Variants in IL1RAPL1 observed in about 807,000 individuals in gnomAD.
IL1RAPL1 encodes the protein interleukin 1 receptor accessory protein like 1.
A neutral mutation model predicts 48.4 loss-of-function variants in IL1RAPL1; 3 were observed. That is an observed-to-expected ratio of 0.06 (90% CI 0.03 to 0.16). The LOEUF is 0.16. Among genes scored for constraint, IL1RAPL1 ranks in the 10% least tolerant of loss-of-function variants. The pLI is 1.00. For missense variants in IL1RAPL1, 349 were observed against 530.6 expected (o/e 0.66, Z 3.36); for synonymous variants, 185 against 187.7 (o/e 0.99, Z 0.12).
intron 2 of IL1RAPL1, among the ~76,000 whole-genome samples, chrX:28,974,030 G>A (rs1303870800): frequency 8.9e-6 from 1 of 111,856 alleles, no homozygotes; most frequent in African/African-American, 3.3e-5. Flanking sequence ...CTATTAGTGA[G>A]TTTAATCATA....
chrX:28,838,307 G>A (rs1039385769), intron 2 of IL1RAPL1, among the ~76,000 whole-genome samples: 12 of 110,949 alleles, frequency 1.1e-4, no homozygotes, highest in Non-Finnish European at 2.1e-4. Context: ...CTAAAAATTA[G>A]GTCTTGTAAT....
intron 2 of IL1RAPL1, among the ~76,000 whole-genome samples, chrX:29,189,353 A>C (rs781614826): frequency 9.0e-6 from 1 of 111,655 alleles, no homozygotes; most frequent in African/African-American, 3.2e-5. Context: ...TATGTTGCAA[A>C]TCTCTTGTGA....
chrX:29,921,794 C>A (rs1347856179), intron 8 of IL1RAPL1, among the ~76,000 whole-genome samples: 3 of 111,891 alleles, frequency 2.7e-5, no homozygotes, highest in Non-Finnish European at 5.6e-5. Flanking sequence ...GGCCCTAGTT[C>A]TGTACTTTTA....
chrX:29,103,211 G>C (rs778006092), intron 2 of IL1RAPL1, among the ~76,000 whole-genome samples: 1 of 111,560 alleles, frequency 9.0e-6, no homozygotes, highest in Non-Finnish European at 1.9e-5. Context: ...GCACATTACC[G>C]AGCCCACGTT....
At chrX:29,767,729 T>C (rs139601553) in intron 6 of IL1RAPL1, among the ~76,000 whole-genome samples, 2,713 of 112,083 alleles carry the variant, frequency 0.024, 87 homozygotes, top group African/African-American at 0.084. Flanking sequence ...AATAAGCTAA[T>C]GATGGCTCAT....
chrX:29,892,217 G>A (rs748828666), intron 6 of IL1RAPL1, among the ~76,000 whole-genome samples: 2 of 111,929 alleles, frequency 1.8e-5, no homozygotes, highest in Admixed American at 1.9e-4. Context: ...TATGATAAGA[G>A]GTTCCTAAAG....
chrX:29,589,154 A>G (rs1029502144), intron 5 of IL1RAPL1, among the ~76,000 whole-genome samples: 4 of 111,424 alleles, frequency 3.6e-5, no homozygotes, highest in African/African-American at 1.3e-4. Flanking sequence ...TAGTAAACTG[A>G]CTCTCTCTTA....
intron 5 of IL1RAPL1, among the ~76,000 whole-genome samples, chrX:29,664,156 G>A (rs1429993362): frequency 1.8e-5 from 2 of 112,184 alleles, no homozygotes; most frequent in Non-Finnish European, 3.8e-5. Flanking sequence ...TGTAATCCCA[G>A]CACTTTGGGA....
At chrX:29,315,097 C>T (rs73460490) in intron 3 of IL1RAPL1, among the ~76,000 whole-genome samples, 3,941 of 111,130 alleles carry the variant, frequency 0.035, 187 homozygotes, top group African/African-American at 0.12. Context: ...GCCAAGGGTC[C>T]GATCATTCCA....
chrX:29,386,289 A>T (rs1476436984), intron 3 of IL1RAPL1, among the ~76,000 whole-genome samples: 2 of 111,237 alleles, frequency 1.8e-5, no homozygotes, highest in Admixed American at 9.6e-5. Context: ...TGGCCTCCCA[A>T]AGTGCTGGGA....
At chrX:29,924,542 C>G (rs1460259193) in intron 8 of IL1RAPL1, among the ~76,000 whole-genome samples, 1 of 112,045 alleles carries the variant, frequency 8.9e-6, no homozygotes, top group East Asian at 2.8e-4. Flanking sequence ...GGAATGCCAT[C>G]CACTACTTTT....
intron 2 of IL1RAPL1, among the ~76,000 whole-genome samples, chrX:29,154,025 C>T (rs150206789): frequency 1.7e-3 from 192 of 111,895 alleles, no homozygotes; most frequent in African/African-American, 5.8e-3. Flanking sequence ...CAGAAAGAGC[C>T]GTTGTTAGGC....
At chrX:29,613,578 G>T (rs1244474582) in intron 5 of IL1RAPL1, among the ~76,000 whole-genome samples, 2 of 110,757 alleles carry the variant, frequency 1.8e-5, no homozygotes, top group Non-Finnish European at 3.8e-5. Context: ...GCAATGAAAG[G>T]TTATAAATTC....
intron 2 of IL1RAPL1, among the ~76,000 whole-genome samples, chrX:29,150,938 A>G (rs1929454449): frequency 9.3e-6 from 1 of 106,986 alleles, no homozygotes; most frequent in Admixed American, 1.0e-4. Flanking sequence ...AAAAAAAAAG[A>G]AAAAAAAAGA....
chrX:28,978,861 G>C (rs1367097050), intron 2 of IL1RAPL1, among the ~76,000 whole-genome samples: 1 of 111,892 alleles, frequency 8.9e-6, no homozygotes, highest in Non-Finnish European at 1.9e-5. Flanking sequence ...TTGATAAAAA[G>C]AGAAGTGATG....
chrX:29,120,915 T>C (rs1158471892), intron 2 of IL1RAPL1, among the ~76,000 whole-genome samples: 1 of 112,039 alleles, frequency 8.9e-6, no homozygotes, highest in Non-Finnish European at 1.9e-5. Context: ...TTATCCCAGT[T>C]ATGCAAAACT....
intron 1 of IL1RAPL1, among the ~76,000 whole-genome samples, chrX:28,730,002 A>G (rs746850817): frequency 4.5e-4 from 50 of 111,941 alleles, no homozygotes; most frequent in Non-Finnish European, 7.7e-4. Flanking sequence ...AATTTCAATT[A>G]TGACTTGAAA....
intron 2 of IL1RAPL1, among the ~76,000 whole-genome samples, chrX:29,246,022 T>C (rs1174320294): frequency 9.0e-6 from 1 of 111,088 alleles, no homozygotes; most frequent in East Asian, 2.8e-4. Context: ...ATAATTCAAA[T>C]ATAAATTTTC....
intron 5 of IL1RAPL1, among the ~76,000 whole-genome samples, chrX:29,420,262 G>A (rs1934274871): frequency 8.9e-6 from 1 of 112,401 alleles, no homozygotes; most frequent in Non-Finnish European, 1.9e-5. Flanking sequence ...AAATAGCAGT[G>A]TTAGGCAAGT....
Sources: allele counts gnomAD v4.1 joint callset (sites outside exome capture counted in the v4.1 genomes callset), GRCh38; gene constraint gnomAD v4.1.1; transcripts MANE v1.5; gene names NCBI Gene and HGNC (gene_info 2026-07-23, HGNC 2026-07-21).